The following APC variants were observed in gnomAD, a reference collection of about 807,000 sequenced individuals.
APC encodes adenomatous polyposis coli protein.
Under a neutral mutation model 247.0 loss-of-function variants are expected in APC, and 72 were observed. The ratio of observed to expected loss-of-function variants is 0.29; its 90% CI spans 0.24 to 0.35. The LOEUF (loss-of-function observed/expected upper bound fraction) is 0.35. Among genes scored for constraint, APC ranks in the 10% least tolerant of loss-of-function variants. The probability of loss-of-function intolerance (pLI) is 1.00; values close to 1 mark genes in which losing one functional copy is unlikely to be tolerated. For missense variants in APC, 3,400 were observed against 3,360.7 expected (o/e 1.01, Z -0.29); for synonymous variants, 1,254 against 1,162.5 (o/e 1.08, Z -1.60).
chr5:112,733,948 A>G (rs1254511824), upstream of APC, among the ~76,000 whole-genome samples: 2 of 152,218 alleles, frequency 1.3e-5, no homozygotes, highest in Non-Finnish European at 2.9e-5. Flanking sequence ...TTAAGATTCT[A>G]TTAGATGCTA....
At position 112,815,623 on chromosome 5, in the gene APC, A is replaced by G. The variant is rs145211300; in HGVS notation, c.933+30A>G. On this transcript the variant is annotated intron_variant, in intron 9 of 15. Transcript: ENST00000257430. Reference sequence around the variant, plus strand: ...CAGAAGATTACAAACCCTGGTCACTAATGCCATGACTACTTTGCTAAGACA... The same window carrying G: ...CAGAAGATTACAAACCCTGGTCACTGATGCCATGACTACTTTGCTAAGACA... 10,526 of 1,553,264 alleles carry G rather than the reference A, an allele frequency of 6.8e-3. 53 individuals carry two copies. Among genetic ancestry groups the G allele is most frequent in the Non-Finnish European group, 8.4e-3 (9,427 of 1,127,952 alleles).
intron 1 of APC, among the ~76,000 whole-genome samples, chr5:112,742,632 C>T (rs1298971364): frequency 6.6e-6 from 1 of 152,170 alleles, no homozygotes; most frequent in Non-Finnish European, 1.5e-5. Context: ...TGGGCCTCTC[C>T]ATGGGGCTGC....
chr5:112,803,158 A>T (rs1014284233), intron 8 of APC, among the ~76,000 whole-genome samples: 2 of 152,154 alleles, frequency 1.3e-5, no homozygotes, highest in Non-Finnish European at 2.9e-5. Context: ...AGGCATTCTC[A>T]TATGTTGCTT....
intron 9 of APC, among the ~76,000 whole-genome samples, chr5:112,817,545 A>G (rs935692685): frequency 6.6e-6 from 1 of 152,196 alleles, no homozygotes; most frequent in African/African-American, 2.4e-5. Flanking sequence ...AGGCATGGAA[A>G]TTTAATTCCA....
intron 15 of APC, among the ~76,000 whole-genome samples, chr5:112,836,177 C>A (rs80012665): frequency 9.1e-5 from 8 of 88,066 alleles, no homozygotes; most frequent in East Asian, 5.8e-4. Flanking sequence ...CCCCCCCCCC[C>A]CCGCCACCGT....
intron 1 of APC, among the ~76,000 whole-genome samples, chr5:112,714,036 A>G (rs1219995635): frequency 3.3e-5 from 5 of 152,238 alleles, no homozygotes; most frequent in Non-Finnish European, 7.3e-5. Flanking sequence ...AAATTAGAAT[A>G]TTTCAGTGGT....
In APC at chr5:112,801,324, C is replaced by T. The variant is rs762117133; in HGVS notation, c.775C>T (p.Arg259Trp). 2.8e-5 allele frequency: 45 copies of T among 1,612,680 alleles called. No homozygotes were observed. The East Asian group carries it at 6.7e-4, about 24-fold the overall frequency. Residue 259 changes from arginine (R) to tryptophan (W), a missense_variant, in exon 8 of 16, where the codon CGG (arginine) becomes TGG (tryptophan). Arg to Trp is a moderately radical substitution (Grantham distance 101, BLOSUM62 -3). Coordinates refer to ENST00000257430, the MANE Select transcript of APC (RefSeq NM_000038.6). ...KHETGSHDAERQNEGQGVGEI... is the reference protein window; with the variant it reads ...KHETGSHDAEWQNEGQGVGEI... ...TGAAACCGGCTCACATGATGCTGAG[C>T]GGCAGAATGAAGGTCAAGGAGTGGG... is the stretch of plus-strand genomic sequence containing the variant.
intron 6 of APC, among the ~76,000 whole-genome samples, chr5:112,788,855 A>G (rs1393033135): frequency 1.3e-5 from 2 of 152,140 alleles, no homozygotes; most frequent in African/African-American, 4.8e-5. Flanking sequence ...ACACTGTCAT[A>G]TTGTTCGCAA....
intron 7 of APC, among the ~76,000 whole-genome samples, chr5:112,794,390 C>T (rs1166870316): frequency 6.6e-6 from 1 of 152,126 alleles, no homozygotes; most frequent in African/African-American, 2.4e-5. Context: ...CCTGTTAAAC[C>T]TTTTAAAAGA....
intron 7 of APC, among the ~76,000 whole-genome samples, chr5:112,792,913 A>G (rs989889148): frequency 6.6e-6 from 1 of 152,194 alleles, no homozygotes; most frequent in African/African-American, 2.4e-5. Flanking sequence ...GTAAAAGGAT[A>G]CAATGAAAGA....
In APC at chr5:112,840,723, T is replaced by A; in HGVS notation, c.5129T>A (p.Ile1710Lys). ...AQGGKTSSVT[I>K]PELDDNKAEE... ...GGAGGAAAAACCTCATCTGTAACCA[T>A]ACCTGAATTGGATGACAATAAAGCA... The change falls in exon 16 of 16, where the codon ATA becomes AAA. Residue 1710 changes from isoleucine (I) to lysine (K), a missense_variant. Around this residue, in one of 9 missense-constraint regions of APC, gnomAD observed 1,788 missense variants for 1,649.5 expected, o/e 1.08. Transcript: ENST00000257430. The surrounding 1 kb of genome is among the most constrained non-coding windows in gnomAD (Gnocchi z 4.1). The A allele has an allele frequency of 6.2e-7, 1 of 1,614,114 alleles. No individual in the cohort carries two copies. Among genetic ancestry groups the A allele is most frequent in the South Asian group, 1.1e-5 (1 of 91,078 alleles).
chr5:112,807,192 A>G (rs945418959), intron 8 of APC, among the ~76,000 whole-genome samples: 4 of 151,648 alleles, frequency 2.6e-5, no homozygotes, highest in Non-Finnish European at 4.4e-5. Flanking sequence ...GTGCACCACC[A>G]TGCCCAGCCT....
intron 6 of APC, among the ~76,000 whole-genome samples, chr5:112,791,755 C>G (rs998429283): frequency 8.6e-5 from 13 of 151,974 alleles, no homozygotes; most frequent in African/African-American, 3.1e-4. Flanking sequence ...ATTAATGTCT[C>G]GATTAATATA....
chr5:112,826,301 A>G (rs1369909221), intron 11 of APC, among the ~76,000 whole-genome samples: 1 of 151,324 alleles, frequency 6.6e-6, no homozygotes, highest in East Asian at 1.9e-4. Flanking sequence ...CTCCACATGC[A>G]TTTTTCTCTT....
rs587780604 is a variant in APC, at chr5:112,843,130, T to G, written c.7536T>G (p.Ser2512Arg). 6.2e-7 allele frequency: 1 copy of G among 1,613,958 alleles called. No homozygotes were observed. Among genetic ancestry groups the G allele is most frequent in the Non-Finnish European group, 8.5e-7 (1 of 1,179,882 alleles). Residue 2512 changes from serine (S) to arginine (R), a missense_variant, in exon 16 of 16, where the codon AGT (serine) becomes AGG (arginine). Around this residue, in one of 9 missense-constraint regions of APC, gnomAD observed 1,788 missense variants for 1,649.5 expected, o/e 1.08. Transcript: ENST00000257430. This position sits in a 1 kb window ranked among gnomAD's most constrained non-coding sequence, Gnocchi z 4.8. The part of the protein sequence containing the change: ...GGWRKLPPNL[S>R]PTIEYNDGRP... ...GGCGAAAACTCCCACCTAATCTCAG[T>G]CCCACTATAGAGTATAATGATGGAA...
At position 112,749,423 on chromosome 5, in the gene APC, C is replaced by T. The variant is rs148167160; in HGVS notation, c.-18-5450C>T. 9.7e-4 allele frequency among the ~76,000 whole-genome samples: 145 copies of T among 149,636 alleles called. 2 individuals are homozygous for T. In the East Asian group the frequency reaches 0.023, roughly 24 times the overall value. On this transcript the variant is annotated intron_variant, in intron 1 of 15. Transcript: ENST00000257430. Reference sequence around the variant, plus strand: ...AGGTGTTTGTAAAACCATTCAGATACGGTATTTTGAAGGATTTGGAGGAGG... The same window carrying T: ...AGGTGTTTGTAAAACCATTCAGATATGGTATTTTGAAGGATTTGGAGGAGG...
intron 14 of APC, among the ~76,000 whole-genome samples, chr5:112,831,260 C>T (rs1764271600): frequency 6.6e-6 from 1 of 152,170 alleles, no homozygotes; most frequent in Non-Finnish European, 1.5e-5. Context: ...AGGCATGCGC[C>T]ACCATGCCCA....
chr5:112,799,503 C>T (rs1760573806), intron 7 of APC, among the ~76,000 whole-genome samples: 1 of 152,124 alleles, frequency 6.6e-6, no homozygotes, highest in African/African-American at 2.4e-5. Context: ...GTGCCACTGT[C>T]TCACACTTAT....
chr5:112,779,755 A>G (rs1758121164), intron 5 of APC, among the ~76,000 whole-genome samples: 1 of 152,188 alleles, frequency 6.6e-6, no homozygotes, highest in Admixed American at 6.5e-5. Context: ...AATAACATGC[A>G]GACTATTTCA....
Sources: allele counts gnomAD v4.1 joint callset (sites outside exome capture counted in the v4.1 genomes callset), GRCh38; gene constraint gnomAD v4.1.1; regional missense constraint gnomAD v4.1.1; non-coding constraint Gnocchi (gnomAD v3.1); transcripts MANE v1.5; gene names NCBI Gene and HGNC (gene_info 2026-07-23, HGNC 2026-07-21).